Variants in DST observed in about 807,000 individuals in gnomAD.
DST encodes bullous pemphigoid antigen.
A neutral mutation model predicts 875.2 loss-of-function variants in DST; 253 were observed. The ratio of observed to expected loss-of-function variants is 0.29; its 90% CI spans 0.26 to 0.32. The LOEUF (loss-of-function observed/expected upper bound fraction) is 0.32. Ranked by LOEUF, DST falls within the 10% of genes least tolerant of loss-of-function variation. DST has a pLI of 1.00. For missense variants in DST, 8,287 were observed against 9,111.6 expected, an observed-to-expected ratio of 0.91 and a Z score of 3.68; for synonymous variants, 3,124 against 3,197.1, an observed-to-expected ratio of 0.98 and a Z score of 0.77.
rs983262084 is a variant in DST, at chr6:56,651,116, CA to C, written c.1327+15del. Reference sequence around the variant, plus strand: ...ACTTTCATGCCAGTCCACATATAATCAAGAAAATAACTCACCTTCAGGGTCC... The same window carrying C: ...ACTTTCATGCCAGTCCACATATAATCAGAAAATAACTCACCTTCAGGGTCC... On this transcript the variant is annotated intron_variant, in intron 11 of 103. Coordinates refer to ENST00000680361, the MANE Select transcript of DST (RefSeq NM_001374736.1). 22 of 1,598,358 alleles carry C rather than the reference CA, an allele frequency of 1.4e-5. No homozygotes were observed. The highest frequency in any genetic ancestry group is 1.9e-5 in the Non-Finnish European group (22 of 1,167,336).
chr6:56,592,160 G>A, intron 49 of DST, 22 bp downstream of exon 49: 1 of 1,605,576 alleles, frequency 6.2e-7, no homozygotes, highest in Non-Finnish European at 8.5e-7. Context: ...CTGGAAATGT[G>A]GATCTTTCTC....
chr6:56,908,096 TATAC>T (rs1732387534), intron 2 of DST, among the ~76,000 whole-genome samples: 1 of 143,632 alleles, frequency 7.0e-6, no homozygotes, highest in Admixed American at 6.8e-5. Context: ...CATATATATA[TATAC>T]ACACACACAC....
At chr6:56,862,076 C>T (rs866400336) in intron 3 of DST, among the ~76,000 whole-genome samples, 13 of 152,084 alleles carry the variant, frequency 8.5e-5, no homozygotes, top group South Asian at 2.1e-4. Context: ...AATTTATTGG[C>T]TTGGCAGCTT....
intron 53 of DST, 96 bp downstream of exon 53, chr6:56,572,004 T>C (rs542544691): frequency 8.3e-4 from 516 of 620,418 alleles, no homozygotes; most frequent in Non-Finnish European, 1.1e-3. Flanking sequence ...TTCTCAAGTT[T>C]TCAAAATTGT....
chr6:56,811,780 T>C (rs2099760229), intron 4 of DST, among the ~76,000 whole-genome samples: 1 of 152,048 alleles, frequency 6.6e-6, no homozygotes, highest in African/African-American at 2.4e-5. Context: ...ATAAAGTGAT[T>C]AGAAATATAA....
intron 36 of DST, chr6:56,615,877 G>A (rs1340685490): frequency 1.2e-6 from 2 of 1,614,130 alleles, no homozygotes; most frequent in Non-Finnish European, 1.7e-6. Context: ...TGTTAGTGAT[G>A]GGATGGCCAA....
In DST at chr6:56,912,876, A is replaced by G. The variant is rs530845919; in HGVS notation, c.217-12255T>C. Reference sequence around the variant, plus strand: ...AGTTACAAGGTCATCACCAAGTTGCAAGGGAAGCTAAAAAATTAGTTATGT... The same window carrying G: ...AGTTACAAGGTCATCACCAAGTTGCGAGGGAAGCTAAAAAATTAGTTATGT... On this transcript the variant is annotated intron_variant, in intron 2 of 103. Transcript: ENST00000680361. 4.6e-5 allele frequency among the ~76,000 whole-genome samples: 7 copies of G among 152,322 alleles called. No homozygotes were observed. In the East Asian group the frequency reaches 1.2e-3, roughly 25 times the overall value.
At chr6:56,709,163 A>T (rs2099352558) in intron 5 of DST, among the ~76,000 whole-genome samples, 1 of 152,214 alleles carries the variant, frequency 6.6e-6, no homozygotes, top group Admixed American at 6.5e-5. Flanking sequence ...ACTTCAAAAA[A>T]ATATGTATAT....
intron 5 of DST, among the ~76,000 whole-genome samples, chr6:56,729,213 T>C (rs2099486125): frequency 6.6e-6 from 1 of 152,220 alleles, no homozygotes; most frequent in Non-Finnish European, 1.5e-5. Flanking sequence ...AAAAGTCTTA[T>C]TTGTAGGTTT....
chr6:56,644,498 A>T (rs1399732592), intron 15 of DST, among the ~76,000 whole-genome samples: 1 of 152,218 alleles, frequency 6.6e-6, no homozygotes, highest in Non-Finnish European at 1.5e-5. Flanking sequence ...AGCACTGGCA[A>T]CGCAAGGGAC....
chr6:56,788,380 C>T (rs1223631668), intron 4 of DST, among the ~76,000 whole-genome samples: 1 of 151,740 alleles, frequency 6.6e-6, no homozygotes, highest in Non-Finnish European at 1.5e-5. Context: ...ATTTGTTTGA[C>T]CATGTTGGTC....
At chr6:56,763,922 G>A (rs2099625415) in intron 4 of DST, among the ~76,000 whole-genome samples, 1 of 152,048 alleles carries the variant, frequency 6.6e-6, no homozygotes, top group African/African-American at 2.4e-5. Context: ...CCAGTTTGGA[G>A]AGCTCCCTCT....
Position 56,631,207 on chromosome 6 carries a change from A to G in DST, c.4142+4T>C, listed in dbSNP as rs202054385. ...ATTTATATATTGAGATAGCAGTTAC[A>G]TACTTATCTATGTAAGTGGAAGACA... On this transcript the variant is annotated splice_donor_region_variant and intron_variant, in intron 30 of 103. Coordinates refer to ENST00000680361, the MANE Select transcript of DST (RefSeq NM_001374736.1). The G allele has an allele frequency of 3.3e-5, 52 of 1,595,140 alleles. No individual in the cohort carries two copies. Among genetic ancestry groups the G allele is most frequent in the Middle Eastern group, 1.7e-4 (1 of 6,042 alleles).
intron 9 of DST, among the ~76,000 whole-genome samples, chr6:56,672,954 C>T (rs558752732): frequency 6.6e-6 from 1 of 152,158 alleles, no homozygotes; most frequent in South Asian, 2.1e-4. Flanking sequence ...ATCTAGGAAA[C>T]TGTGAATGAA....
chr6:56,953,710 C>T, intron 2 of DST, 75 bp downstream of exon 2: 1 of 1,095,462 alleles, frequency 9.1e-7, no homozygotes. Context: ...GGTTTCTTAA[C>T]ACGCATATAA....
intron 4 of DST, among the ~76,000 whole-genome samples, chr6:56,795,201 A>T (rs2099737628): frequency 2.0e-5 from 3 of 152,050 alleles, no homozygotes; most frequent in South Asian, 4.1e-4. Context: ...AGTCCATAAA[A>T]GCAGAATAAT....
At chr6:56,790,570 C>T (rs979529808) in intron 4 of DST, among the ~76,000 whole-genome samples, 1 of 152,220 alleles carries the variant, frequency 6.6e-6, no homozygotes, top group African/African-American at 2.4e-5. Context: ...CACCTTCTTC[C>T]TCCTTTCAGG....
At chr6:56,668,341 G>C (rs972908599) in intron 10 of DST, among the ~76,000 whole-genome samples, 1 of 152,138 alleles carries the variant, frequency 6.6e-6, no homozygotes, top group Non-Finnish European at 1.5e-5. Flanking sequence ...TAGGCAAGTT[G>C]ATCCTGGTTT....
intron 4 of DST, among the ~76,000 whole-genome samples, chr6:56,745,386 C>A (rs912421972): frequency 5.3e-5 from 8 of 152,158 alleles, no homozygotes; most frequent in Non-Finnish European, 1.2e-4. Context: ...TCTTCTTGCA[C>A]ATTTCAAGAG....
Sources: allele counts gnomAD v4.1 joint callset (sites outside exome capture counted in the v4.1 genomes callset), GRCh38; gene constraint gnomAD v4.1.1; transcripts MANE v1.5; gene names NCBI Gene and HGNC (gene_info 2026-07-23, HGNC 2026-07-21).